The following DCUN1D4 variants were observed in gnomAD, a reference collection of about 807,000 sequenced individuals.
DCUN1D4 encodes defective in cullin neddylation 1 domain containing 4.
In DCUN1D4, 22 loss-of-function variants were observed where a neutral mutation model predicts 47.9. The ratio of observed to expected loss-of-function variants is 0.46; its 90% CI spans 0.33 to 0.66. DCUN1D4 has a LOEUF of 0.66. Ranked by LOEUF, DCUN1D4 falls within the 30% of genes least tolerant of loss-of-function variation. The probability of loss-of-function intolerance (pLI) is 0.02; values close to 1 mark genes in which losing one functional copy is unlikely to be tolerated. For synonymous variants in DCUN1D4, 121 were observed against 112.2 expected (o/e 1.08, Z -0.50); for missense variants, 301 against 340.8 (o/e 0.88, Z 0.92).
At chr4:51,834,074 C>CTTTTCTTT in the DCUN1D4 span, among the ~76,000 whole-genome samples, 1 of 105,988 alleles carries the variant, frequency 9.4e-6, no homozygotes, top group Non-Finnish European at 1.8e-5. Flanking sequence ...CTCTCTCTCT[C>CTTTTCTTT]TCTCTCTCTC....
At chr4:51,844,529 G>T in intron 1 of DCUN1D4, 1 of 412,264 alleles carries the variant, frequency 2.4e-6, no homozygotes, top group Non-Finnish European at 3.3e-6. Context: ...CGCCGGGGAG[G>T]TGTCGGGGTC....
chr4:51,908,755 T>G (rs1248969755), intron 8 of DCUN1D4, among the ~76,000 whole-genome samples: 2 of 152,140 alleles, frequency 1.3e-5, no homozygotes, highest in Non-Finnish European at 2.9e-5. Context: ...TTAGTAGATG[T>G]TTGCTGTGGG....
chr4:51,912,413 T>C (rs1378012785), intron 9 of DCUN1D4, among the ~76,000 whole-genome samples: 1 of 152,190 alleles, frequency 6.6e-6, no homozygotes, highest in African/African-American at 2.4e-5. Flanking sequence ...CTCTCTTACA[T>C]TAGTTTGCAT....
At chr4:51,888,108 T>C (rs1418715266) in intron 6 of DCUN1D4, among the ~76,000 whole-genome samples, 1 of 152,070 alleles carries the variant, frequency 6.6e-6, no homozygotes, top group Non-Finnish European at 1.5e-5. Flanking sequence ...TCTAAACATG[T>C]AGTCAGAGGG....
At chr4:51,838,756 AG>A (rs1721557931), upstream of DCUN1D4, among the ~76,000 whole-genome samples, 1 of 152,170 alleles carries the variant, frequency 6.6e-6, no homozygotes, top group Non-Finnish European at 1.5e-5. Flanking sequence ...TGAGGTATAT[AG>A]GGGCATATAT....
At chr4:51,843,296 C>A (rs1341285826) in intron 1 of DCUN1D4, 29 bp downstream of exon 1, 1 of 1,509,646 alleles carries the variant, frequency 6.6e-7, no homozygotes, top group African/African-American at 1.4e-5. Context: ...GCCAGCGGGC[C>A]GGGGCCGGGC....
chr4:51,876,653 C>A (rs969824353), intron 4 of DCUN1D4, among the ~76,000 whole-genome samples: 1 of 151,682 alleles, frequency 6.6e-6, no homozygotes, highest in African/African-American at 2.4e-5. Context: ...TTTTTTCAGC[C>A]GAACAGAGAT....
chr4:51,896,185 G>T (rs748108111), intron 7 of DCUN1D4, among the ~76,000 whole-genome samples: 54 of 152,168 alleles, frequency 3.5e-4, no homozygotes, highest in Non-Finnish European at 6.8e-4. Context: ...TATGTTTAAA[G>T]CACAAGAACT....
intron 3 of DCUN1D4, among the ~76,000 whole-genome samples, chr4:51,868,017 G>A (rs1208768895): frequency 1.3e-5 from 2 of 152,270 alleles, no homozygotes; most frequent in Non-Finnish European, 2.9e-5. Flanking sequence ...GTGGCAGGGG[G>A]CTGGTGTGTC....
chr4:51,898,560 C>T (rs1174933072), intron 7 of DCUN1D4, among the ~76,000 whole-genome samples: 1 of 152,200 alleles, frequency 6.6e-6, no homozygotes, highest in Non-Finnish European at 1.5e-5. Context: ...GAAGAATTGC[C>T]TTTAAATGGA....
intron 3 of DCUN1D4, among the ~76,000 whole-genome samples, chr4:51,872,826 T>C (rs965168226): frequency 6.6e-6 from 1 of 152,186 alleles, no homozygotes; most frequent in East Asian, 1.9e-4. Context: ...TACATGCTGG[T>C]GAATAGTGTC....
intron 9 of DCUN1D4, among the ~76,000 whole-genome samples, chr4:51,911,883 C>T (rs1050162325): frequency 6.6e-6 from 1 of 152,100 alleles, no homozygotes; most frequent in Admixed American, 6.6e-5. Flanking sequence ...GCCCCAAGCC[C>T]TTCTAAAAAG....
chr4:51,863,112 G>A (rs1288352537), intron 1 of DCUN1D4, among the ~76,000 whole-genome samples: 3 of 152,212 alleles, frequency 2.0e-5, no homozygotes, highest in African/African-American at 4.8e-5. Flanking sequence ...AGGGAAGAGA[G>A]GGGAAAGTGA....
At chr4:51,880,918 G>A (rs1728500692) in intron 5 of DCUN1D4, among the ~76,000 whole-genome samples, 1 of 152,142 alleles carries the variant, frequency 6.6e-6, no homozygotes, top group Non-Finnish European at 1.5e-5. Flanking sequence ...CATGAGATCA[G>A]GAGATCGAGA....
chr4:51,861,882 G>C (rs1725108071), intron 1 of DCUN1D4, among the ~76,000 whole-genome samples: 1 of 152,286 alleles, frequency 6.6e-6, no homozygotes, highest in East Asian at 1.9e-4. Context: ...GAGGCCTCTT[G>C]CTGGTGAGAG....
intron 7 of DCUN1D4, among the ~76,000 whole-genome samples, chr4:51,896,980 C>T (rs542954489): frequency 7.2e-5 from 11 of 152,292 alleles, no homozygotes; most frequent in South Asian, 2.1e-4. Flanking sequence ...TCCACTCCAG[C>T]GACAGTGGCT....
chr4:51,900,435 A>G (rs140841448), intron 8 of DCUN1D4, among the ~76,000 whole-genome samples: 2,082 of 152,314 alleles, frequency 0.014, 22 homozygotes, highest in Middle Eastern at 0.024. Context: ...ATAATAATAT[A>G]TAAAAGTTAC....
At chr4:51,863,376 GT>G in intron 1 of DCUN1D4, 60 bp from the exon 2 acceptor site, 1 of 1,300,364 alleles carries the variant, frequency 7.7e-7, no homozygotes, top group East Asian at 2.3e-5. Flanking sequence ...TATTTTCTGA[GT>G]TTGTTTTTTT....
intron 8 of DCUN1D4, among the ~76,000 whole-genome samples, chr4:51,900,485 G>A (rs1329885449): frequency 6.6e-6 from 1 of 152,048 alleles, no homozygotes; most frequent in Non-Finnish European, 1.5e-5. Flanking sequence ...TGTAACCCCA[G>A]CACTTTAGGA....
Sources: gnomAD v4.1 joint callset for allele counts (sites outside exome capture counted in the v4.1 genomes callset) on GRCh38, gnomAD v4.1.1 for gene constraint, MANE v1.5 for transcripts, NCBI Gene and HGNC (gene_info 2026-07-23, HGNC 2026-07-21) for gene names.